The following NRXN3 variants were observed in gnomAD, a reference collection of about 807,000 sequenced individuals.
NRXN3 encodes neurexin 3.
A neutral mutation model predicts 137.6 loss-of-function variants in NRXN3; 32 were observed. The ratio of observed to expected loss-of-function variants is 0.23; its 90% CI spans 0.18 to 0.31. The LOEUF is 0.31. Ranked by LOEUF, NRXN3 falls within the 10% of genes least tolerant of loss-of-function variation. NRXN3 has a pLI of 1.00. For missense variants in NRXN3, 1,574 were observed against 2,062.5 expected (o/e 0.76, Z 4.59); for synonymous variants, 798 against 784.5 (o/e 1.02, Z -0.29).
At chr14:78,330,514 G>GA (rs1308930636) in intron 4 of NRXN3, among the ~76,000 whole-genome samples, 1 of 152,050 alleles carries the variant, frequency 6.6e-6, no homozygotes, top group Non-Finnish European at 1.5e-5. Context: ...AATTAGTAGG[G>GA]AAAAAATTAC....
At chr14:78,603,293 A>G (rs534393307) in intron 4 of NRXN3, among the ~76,000 whole-genome samples, 2 of 152,102 alleles carry the variant, frequency 1.3e-5, no homozygotes, top group East Asian at 3.9e-4. Flanking sequence ...TTCTTTACCC[A>G]TCATGTTTTG....
chr14:78,627,411 C>T (rs2097476389), intron 4 of NRXN3, among the ~76,000 whole-genome samples: 2 of 152,226 alleles, frequency 1.3e-5, no homozygotes, highest in East Asian at 3.9e-4. Flanking sequence ...GTAGAAAAGG[C>T]AACTTACATG....
chr14:79,683,795 A>T (rs192516018), intron 17 of NRXN3, among the ~76,000 whole-genome samples: 2 of 152,258 alleles, frequency 1.3e-5, no homozygotes. Context: ...TCCTTGCCTT[A>T]TGTATGTTTC....
At chr14:79,355,418 G>A (rs1341787655) in intron 15 of NRXN3, among the ~76,000 whole-genome samples, 1 of 152,054 alleles carries the variant, frequency 6.6e-6, no homozygotes, top group East Asian at 1.9e-4. Flanking sequence ...TCAGGAGCAG[G>A]GATTATAAAG....
At chr14:79,068,267 ATACTT>A (rs1376641063) in intron 15 of NRXN3, among the ~76,000 whole-genome samples, 4 of 152,126 alleles carry the variant, frequency 2.6e-5, no homozygotes, top group Non-Finnish European at 5.9e-5. Context: ...AAGAGAAAGA[ATACTT>A]TAACTTTAAA....
intron 15 of NRXN3, among the ~76,000 whole-genome samples, chr14:79,433,612 C>T (rs989043472): frequency 1.3e-5 from 2 of 152,052 alleles, no homozygotes; most frequent in South Asian, 2.1e-4. Flanking sequence ...TTAAAGTGCT[C>T]GTTTCATATG....
intron 15 of NRXN3, among the ~76,000 whole-genome samples, chr14:79,177,478 T>A (rs2062461612): frequency 6.6e-6 from 1 of 152,252 alleles, no homozygotes; most frequent in Non-Finnish European, 1.5e-5. Context: ...GTTTCACAGC[T>A]AAGATGCTTT....
chr14:79,201,854 T>C (rs2066061968), intron 15 of NRXN3, among the ~76,000 whole-genome samples: 1 of 152,218 alleles, frequency 6.6e-6, no homozygotes, highest in Non-Finnish European at 1.5e-5. Context: ...CGTCACTACA[T>C]ATTTCTTTTA....
intron 4 of NRXN3, among the ~76,000 whole-genome samples, chr14:78,512,979 G>T (rs537786551): frequency 2.6e-4 from 40 of 152,292 alleles, no homozygotes; most frequent in African/African-American, 9.4e-4. Context: ...GGGCAAGCTA[G>T]CCCAATTCTG....
chr14:79,845,032 A>G (rs2099364105), intron 20 of NRXN3, among the ~76,000 whole-genome samples: 1 of 152,008 alleles, frequency 6.6e-6, no homozygotes, highest in African/African-American at 2.4e-5. Context: ...TTGTGCTTTT[A>G]TATTATGAAG....
intron 15 of NRXN3, among the ~76,000 whole-genome samples, chr14:79,025,276 C>T (rs1236794747): frequency 1.3e-5 from 2 of 152,146 alleles, no homozygotes; most frequent in Non-Finnish European, 2.9e-5. Context: ...GTCTTATGCA[C>T]TGTGATTGGA....
At chr14:78,534,868 T>G (rs1236491950) in intron 4 of NRXN3, among the ~76,000 whole-genome samples, 2 of 152,204 alleles carry the variant, frequency 1.3e-5, no homozygotes, top group Non-Finnish European at 2.9e-5. Flanking sequence ...TTTTTTGCAA[T>G]AGGCAATTAT....
chr14:78,175,408 A>G (rs180695999), intron 1 of NRXN3, among the ~76,000 whole-genome samples: 1 of 152,284 alleles, frequency 6.6e-6, no homozygotes, highest in Admixed American at 6.5e-5. Flanking sequence ...TTCTCCTTAC[A>G]TGACCCCTCA....
chr14:78,854,227 C>T (rs1040283650), intron 10 of NRXN3, among the ~76,000 whole-genome samples: 2 of 152,132 alleles, frequency 1.3e-5, no homozygotes, highest in Non-Finnish European at 2.9e-5. Flanking sequence ...TCATCCTGTC[C>T]CAAGTTTCTG....
At chr14:78,650,874 A>G (rs565546628) in intron 5 of NRXN3, among the ~76,000 whole-genome samples, 3 of 152,236 alleles carry the variant, frequency 2.0e-5, no homozygotes, top group Admixed American at 6.5e-5. Context: ...GGATGGTTCC[A>G]TTTTCTAGCC....
chr14:78,832,405 C>A (rs974604648), intron 10 of NRXN3, among the ~76,000 whole-genome samples: 1 of 152,160 alleles, frequency 6.6e-6, no homozygotes. Context: ...AATTACACAG[C>A]ATTCAGGTAT....
At chr14:78,611,795 G>C in intron 4 of NRXN3, among the ~76,000 whole-genome samples, 1 of 152,178 alleles carries the variant, frequency 6.6e-6, no homozygotes, top group Non-Finnish European at 1.5e-5. Flanking sequence ...ATAATCTGCA[G>C]GTGCAGAGAA....
chr14:79,372,946 A>T lies in NRXN3; in HGVS notation c.3263-94275A>T, dbSNP rs544899098. 2.0e-5 allele frequency among the ~76,000 whole-genome samples: 3 copies of T among 152,244 alleles called. No homozygotes were observed. In the East Asian group the frequency reaches 5.8e-4, roughly 29 times the overall value. ...AGAAAAAAATATTTTTGAGATACCC[A>T]TTAAGATATCACCCCTGACAAATAT... On this transcript the variant is annotated intron_variant, in intron 15 of 20. Coordinates refer to ENST00000335750, the MANE Select transcript of NRXN3 (RefSeq NM_001330195.2).
intron 15 of NRXN3, among the ~76,000 whole-genome samples, chr14:79,285,639 G>T (rs912876908): frequency 2.0e-5 from 3 of 151,970 alleles, no homozygotes; most frequent in African/African-American, 4.8e-5. Flanking sequence ...ATGCATCCCT[G>T]GTGTCTTTGT....
Sources: allele counts gnomAD v4.1 joint callset (sites outside exome capture counted in the v4.1 genomes callset), GRCh38; gene constraint gnomAD v4.1.1; transcripts MANE v1.5; gene names NCBI Gene and HGNC (gene_info 2026-07-23, HGNC 2026-07-21).